IMMP2L: variants seen among roughly 807,000 people sequenced by gnomAD.
IMMP2L encodes inner mitochondrial membrane peptidase subunit 2.
A neutral mutation model predicts 19.3 loss-of-function variants in IMMP2L; 18 were observed. The ratio of observed to expected loss-of-function variants is 0.93; its 90% CI spans 0.64 to 1.38. The LOEUF (loss-of-function observed/expected upper bound fraction) is 1.38. Among genes scored for constraint, IMMP2L ranks in the 40% most tolerant of loss-of-function variants. The probability of loss-of-function intolerance (pLI) is 0.00; values close to 1 mark genes in which losing one functional copy is unlikely to be tolerated. For synonymous variants in IMMP2L, 76 were observed against 73.0 expected (o/e 1.04, Z -0.21); for missense variants, 233 against 218.2 (o/e 1.07, Z -0.43).
At position 111,447,446 on chromosome 7, in the gene IMMP2L, C is replaced by A. The variant is rs1012918321; in HGVS notation, c.239+39792G>T. Among the ~76,000 whole-genome samples, 311 of 150,216 alleles carry A rather than the reference C, an allele frequency of 2.1e-3. 1 individual carries two copies. The highest frequency in any genetic ancestry group is 3.4e-3 in the Non-Finnish European group (233 of 67,662). On this transcript the variant is annotated intron_variant, in intron 3 of 5. Transcript: ENST00000405709. ...GAATTTTCAACTCAGAATTTCATAT[C>A]CAGCCAAACTAAGCTTCATAAGTGA...
chr7:111,169,600 C>T (rs1473145568), intron 3 of IMMP2L, among the ~76,000 whole-genome samples: 1 of 151,822 alleles, frequency 6.6e-6, no homozygotes, highest in African/African-American at 2.4e-5. Flanking sequence ...TATCGTAACT[C>T]CAATCTTCCC....
intron 4 of IMMP2L, among the ~76,000 whole-genome samples, chr7:110,918,502 G>T (rs541016167): frequency 2.0e-5 from 3 of 149,218 alleles, no homozygotes; most frequent in South Asian, 4.3e-4. Flanking sequence ...GTTGCCCAGG[G>T]TGGAGTGCAA....
intron 5 of IMMP2L, among the ~76,000 whole-genome samples, chr7:110,837,111 T>C (rs578004490): frequency 9.1e-4 from 139 of 152,204 alleles, no homozygotes; most frequent in Middle Eastern, 3.4e-3. Context: ...AACCTGCTCA[T>C]CAATAGAGAA....
intron 3 of IMMP2L, among the ~76,000 whole-genome samples, chr7:111,198,220 C>T (rs1467588182): frequency 1.3e-5 from 2 of 152,152 alleles, no homozygotes; most frequent in African/African-American, 4.8e-5. Flanking sequence ...CTCTAGTCTG[C>T]ATAAACTGGC....
intron 5 of IMMP2L, among the ~76,000 whole-genome samples, chr7:110,732,010 C>G (rs1367166969): frequency 1.3e-5 from 2 of 152,120 alleles, no homozygotes; most frequent in Non-Finnish European, 2.9e-5. Flanking sequence ...ACTATAAGAG[C>G]ATACAAGAGG....
At position 111,519,729 on chromosome 7, in the gene IMMP2L, A is replaced by T. The variant is rs571922176; in HGVS notation, c.135+1584T>A. 2.6e-5 allele frequency among the ~76,000 whole-genome samples: 4 copies of T among 152,230 alleles called. No individual in the cohort carries two copies. The South Asian group carries it at 6.2e-4, about 24-fold the overall frequency. On this transcript the variant is annotated intron_variant, in intron 2 of 5. Coordinates refer to ENST00000405709, the MANE Select transcript of IMMP2L (RefSeq NM_032549.4). Reference sequence around the variant, plus strand: ...TGTTCAGTAGGAATATATTAGGCTAAAAATATGAAGATTGGGATATTATGA... The same window carrying T: ...TGTTCAGTAGGAATATATTAGGCTATAAATATGAAGATTGGGATATTATGA...
At chr7:111,029,858 G>A (rs1348079129) in intron 3 of IMMP2L, among the ~76,000 whole-genome samples, 6 of 152,230 alleles carry the variant, frequency 3.9e-5, no homozygotes, top group South Asian at 2.1e-4. Flanking sequence ...CTAGTCAAAC[G>A]GAAGAACAGC....
intron 3 of IMMP2L, among the ~76,000 whole-genome samples, chr7:111,301,921 T>TAAAAAAAAAAAA (rs59156229): frequency 1.2e-5 from 1 of 83,156 alleles, no homozygotes; most frequent in Non-Finnish European, 2.1e-5. Context: ...TTTCATGCTT[T>TAAAAAAAAAAAA]AAAAAAAAAA....
At chr7:111,039,357 T>C (rs1791658511) in intron 3 of IMMP2L, among the ~76,000 whole-genome samples, 1 of 152,210 alleles carries the variant, frequency 6.6e-6, no homozygotes, top group Admixed American at 6.5e-5. Flanking sequence ...TCTAGTTTAT[T>C]TTTAATAAAA....
intron 3 of IMMP2L, among the ~76,000 whole-genome samples, chr7:111,101,289 C>G (rs1346973008): frequency 2.6e-5 from 4 of 151,250 alleles, no homozygotes; most frequent in Non-Finnish European, 5.9e-5. Context: ...AGATACATCC[C>G]TAGTCATTGA....
intron 3 of IMMP2L, among the ~76,000 whole-genome samples, chr7:111,486,295 C>T (rs1362452758): frequency 1.3e-5 from 2 of 152,164 alleles, no homozygotes; most frequent in Admixed American, 6.6e-5. Flanking sequence ...CCACAAAGCA[C>T]TAGCCAAAGG....
intron 3 of IMMP2L, among the ~76,000 whole-genome samples, chr7:110,973,891 C>T (rs1820416799): frequency 6.6e-6 from 1 of 152,010 alleles, no homozygotes; most frequent in African/African-American, 2.4e-5. Context: ...CAAACATGAC[C>T]AACAACTTTC....
intron 2 of IMMP2L, among the ~76,000 whole-genome samples, chr7:111,496,381 T>A (rs916404270): frequency 2.6e-5 from 4 of 152,138 alleles, no homozygotes; most frequent in African/African-American, 9.7e-5. Context: ...TGGTTAATTT[T>A]AGGTGTCAAC....
At chr7:111,089,717 T>C (rs915736425) in intron 3 of IMMP2L, among the ~76,000 whole-genome samples, 4 of 152,010 alleles carry the variant, frequency 2.6e-5, no homozygotes, top group African/African-American at 9.7e-5. Flanking sequence ...AAATAAGTAT[T>C]AGGTTAAATG....
chr7:111,010,303 TCA>T (rs1164329519), intron 3 of IMMP2L, among the ~76,000 whole-genome samples: 1 of 152,168 alleles, frequency 6.6e-6, no homozygotes, highest in East Asian at 1.9e-4. Flanking sequence ...TTTAGAGAAG[TCA>T]CAGAGTCTTA....
rs568044565 is a variant in IMMP2L, at chr7:111,423,501, G to A, written c.239+63737C>T. Among the ~76,000 whole-genome samples, 177 of 151,844 alleles carry A rather than the reference G, an allele frequency of 1.2e-3. 5 individuals carry two copies. The South Asian group carries it at 0.014, about 12-fold the overall frequency. On this transcript the variant is annotated intron_variant, in intron 3 of 5. Coordinates refer to ENST00000405709, the MANE Select transcript of IMMP2L (RefSeq NM_032549.4). ...CTTCTAGATTTTCTAGTTTATTTGCGTAAAGGTGTTTATAGTATTCTCTGA... is the reference window on the plus strand; with the variant it reads ...CTTCTAGATTTTCTAGTTTATTTGCATAAAGGTGTTTATAGTATTCTCTGA...
intron 3 of IMMP2L, among the ~76,000 whole-genome samples, chr7:111,319,112 A>C (rs1824407586): frequency 1.3e-5 from 2 of 152,148 alleles, no homozygotes; most frequent in African/African-American, 4.8e-5. Context: ...TGTCTGTAGG[A>C]GGGCAAGTCT....
intron 4 of IMMP2L, among the ~76,000 whole-genome samples, chr7:110,893,282 C>T (rs888984006): frequency 6.6e-6 from 1 of 152,074 alleles, no homozygotes; most frequent in African/African-American, 2.4e-5. Context: ...TTCCTGGATG[C>T]AAGGTTGCCA....
At chr7:110,704,518 G>C (rs1173671860) in intron 5 of IMMP2L, among the ~76,000 whole-genome samples, 1 of 152,214 alleles carries the variant, frequency 6.6e-6, no homozygotes, top group Admixed American at 6.5e-5. Flanking sequence ...GCATCAAGGA[G>C]AAGCACTTCT....
Sources: allele counts gnomAD v4.1 joint callset (sites outside exome capture counted in the v4.1 genomes callset), GRCh38; gene constraint gnomAD v4.1.1; transcripts MANE v1.5; gene names NCBI Gene and HGNC (gene_info 2026-07-23, HGNC 2026-07-21).